MAP2: variants seen among roughly 807,000 people sequenced by gnomAD.
MAP2 encodes microtubule-associated protein 2.
MAP2 carries 14 observed loss-of-function variants against 137.6 expected under a neutral mutation model. That is an observed-to-expected ratio of 0.10 (90% CI 0.07 to 0.16). The LOEUF is 0.16. MAP2 is among the 10% of genes least tolerant of loss of function. The probability of loss-of-function intolerance (pLI) is 1.00; values close to 1 mark genes in which losing one functional copy is unlikely to be tolerated. For synonymous variants in MAP2, 786 were observed against 782.3 expected, an observed-to-expected ratio of 1.00 and a Z score of -0.08; for missense variants, 2,088 against 2,191.5, an observed-to-expected ratio of 0.95 and a Z score of 0.94.
intron 5 of MAP2, 107 bp from the exon 6 acceptor site, chr2:209,678,465 G>T: frequency 4.5e-6 from 2 of 447,638 alleles, no homozygotes; most frequent in South Asian, 6.1e-5. Context: ...GTACTTTTTA[G>T]GGGGAAGAAA....
chr2:209,435,930 TATATATATA>T (rs1322644129), intron 1 of MAP2, among the ~76,000 whole-genome samples: 2 of 75,960 alleles, frequency 2.6e-5, no homozygotes, highest in East Asian at 2.1e-3. Flanking sequence ...ATATATATAT[TATATATATA>T]ATATATACTA....
intron 1 of MAP2, among the ~76,000 whole-genome samples, chr2:209,432,924 A>T (rs994254909): frequency 6.6e-6 from 1 of 152,166 alleles, no homozygotes; most frequent in African/African-American, 2.4e-5. Context: ...ATCTGTAAAG[A>T]ATTAAGATAA....
chr2:209,636,684 T>C (rs192692985), intron 4 of MAP2, among the ~76,000 whole-genome samples: 57 of 152,190 alleles, frequency 3.7e-4, no homozygotes, highest in African/African-American at 1.3e-3. Flanking sequence ...TATGGATTAT[T>C]TAAATATACA....
intron 1 of MAP2, among the ~76,000 whole-genome samples, chr2:209,499,445 C>T (rs1364118277): frequency 6.6e-6 from 1 of 152,142 alleles, no homozygotes; most frequent in Admixed American, 6.6e-5. Flanking sequence ...CTGTCTTCTT[C>T]TGAGCCATCC....
At chr2:209,617,071 C>T (rs192905929) in intron 3 of MAP2, among the ~76,000 whole-genome samples, 1 of 152,010 alleles carries the variant, frequency 6.6e-6, no homozygotes, top group Non-Finnish European at 1.5e-5. Context: ...ATGGGGGATA[C>T]AGTGTGGGGA....
chr2:209,543,032 G>A (rs948670471), intron 2 of MAP2, among the ~76,000 whole-genome samples: 1 of 152,208 alleles, frequency 6.6e-6, no homozygotes, highest in Non-Finnish European at 1.5e-5. Context: ...TAACATGCCT[G>A]CCTCACTAAA....
chr2:209,628,450 T>G (rs531019848), intron 4 of MAP2, among the ~76,000 whole-genome samples: 16 of 152,300 alleles, frequency 1.1e-4, no homozygotes, highest in African/African-American at 3.8e-4. Context: ...ATAATTACAG[T>G]ACCAAGCTCA....
At chr2:209,593,983 T>TAC (rs1231704091) in intron 3 of MAP2, among the ~76,000 whole-genome samples, 2 of 132,726 alleles carry the variant, frequency 1.5e-5, no homozygotes, top group Admixed American at 8.4e-5. Context: ...ATTATATATA[T>TAC]ACACACACAC....
At chr2:209,566,118 C>G (rs915131671) in intron 2 of MAP2, among the ~76,000 whole-genome samples, 3 of 152,218 alleles carry the variant, frequency 2.0e-5, no homozygotes, top group Non-Finnish European at 4.4e-5. Context: ...CCAAGATAAT[C>G]CTCATGATAG....
At chr2:209,675,360 A>G (rs1478228631) in intron 5 of MAP2, among the ~76,000 whole-genome samples, 3 of 151,890 alleles carry the variant, frequency 2.0e-5, no homozygotes, top group African/African-American at 7.2e-5. Context: ...CAACAAAACC[A>G]GTAAAATTCA....
intron 1 of MAP2, among the ~76,000 whole-genome samples, chr2:209,427,969 T>C (rs1287878464): frequency 6.6e-6 from 1 of 152,180 alleles, no homozygotes; most frequent in Non-Finnish European, 1.5e-5. Flanking sequence ...GTTTTGTTTT[T>C]CTGTTTCAAC....
At chr2:209,623,709 A>G (rs2091741834) in intron 3 of MAP2, among the ~76,000 whole-genome samples, 2 of 152,144 alleles carry the variant, frequency 1.3e-5, no homozygotes, top group Admixed American at 6.5e-5. Flanking sequence ...ACTCTGTATT[A>G]TACTGTTATA....
At chr2:209,697,106 T>TA (rs1559602402) in intron 10 of MAP2, 55 bp downstream of exon 10, 2 of 1,472,920 alleles carry the variant, frequency 1.4e-6, no homozygotes, top group East Asian at 4.7e-5. Flanking sequence ...ATTTTTTTTT[T>TA]AAATCTCATT....
At chr2:209,463,643 C>T (rs1306809189) in intron 1 of MAP2, among the ~76,000 whole-genome samples, 1 of 152,098 alleles carries the variant, frequency 6.6e-6, no homozygotes, top group Non-Finnish European at 1.5e-5. Context: ...AATCAGTGCC[C>T]ATATTTCACA....
At chr2:209,572,247 C>A (rs976687444) in intron 2 of MAP2, among the ~76,000 whole-genome samples, 1 of 152,036 alleles carries the variant, frequency 6.6e-6, no homozygotes, top group African/African-American at 2.4e-5. Flanking sequence ...GGAATAAATT[C>A]ATCCTTCTCA....
At chr2:209,578,072 C>A (rs2075630126) in intron 2 of MAP2, among the ~76,000 whole-genome samples, 1 of 152,058 alleles carries the variant, frequency 6.6e-6, no homozygotes, top group Admixed American at 6.6e-5. Context: ...CAAAAGAGAG[C>A]AGGGAAAGAA....
intron 5 of MAP2, chr2:209,661,411 C>G: frequency 1.7e-6 from 1 of 605,302 alleles, no homozygotes; most frequent in Non-Finnish European, 2.1e-6. Flanking sequence ...TTTTCCTTTC[C>G]TAGTTGCCAT....
At chr2:209,576,014 G>C (rs1449938369) in intron 2 of MAP2, among the ~76,000 whole-genome samples, 1 of 152,166 alleles carries the variant, frequency 6.6e-6, no homozygotes, top group Non-Finnish European at 1.5e-5. Context: ...CATTCCTGGA[G>C]AGTTTAGGTA....
intron 1 of MAP2, among the ~76,000 whole-genome samples, chr2:209,488,310 G>T (rs1157819844): frequency 6.6e-6 from 1 of 152,168 alleles, no homozygotes; most frequent in African/African-American, 2.4e-5. Flanking sequence ...GTTGCCTCGG[G>T]TGCCTATACC....
Sources: allele counts gnomAD v4.1 joint callset (sites outside exome capture counted in the v4.1 genomes callset), GRCh38; gene constraint gnomAD v4.1.1; transcripts MANE v1.5; gene names NCBI Gene and HGNC (gene_info 2026-07-23, HGNC 2026-07-21).